Variants in CES5A observed in about 807,000 individuals in gnomAD.
CES5A encodes carboxylesterase 5.
A neutral mutation model predicts 62.9 loss-of-function variants in CES5A; 67 were observed. That is an observed-to-expected ratio of 1.07 (90% CI 0.88 to 1.31). CES5A has a LOEUF of 1.31. Among genes scored for constraint, CES5A ranks in the 50% most tolerant of loss-of-function variants. The pLI is 0.00. For missense variants in CES5A, 748 were observed against 708.5 expected (o/e 1.06, Z -0.63); for synonymous variants, 296 against 280.8 (o/e 1.05, Z -0.54).
At position 55,871,612 on chromosome 16, in the gene CES5A, C is replaced by A; in HGVS notation, c.417+13G>T. The A allele has an allele frequency of 6.2e-7, 1 of 1,613,736 alleles. No individual in the cohort carries two copies. Among genetic ancestry groups the A allele is most frequent in the Non-Finnish European group, 8.5e-7 (1 of 1,179,900 alleles). On this transcript the variant is annotated intron_variant, in intron 3 of 12. Coordinates refer to ENST00000290567, the MANE Select transcript of CES5A (RefSeq NM_001143685.2). ...GCTAGCTAGAGCCCGAAGCACACAG[C>A]AGGCAGCCTTACGGGGAGCTTGGAG...
intron 1 of CES5A, among the ~76,000 whole-genome samples, chr16:55,892,375 C>A (rs2033889270): frequency 6.6e-6 from 1 of 152,140 alleles, no homozygotes; most frequent in Non-Finnish European, 1.5e-5. Context: ...CCAAGCTGCA[C>A]CCCAACCACC....
intron 10 of CES5A, 85 bp from the exon 11 acceptor site, chr16:55,849,858 T>C: frequency 6.9e-7 from 1 of 1,445,356 alleles, no homozygotes; most frequent in Non-Finnish European, 9.4e-7. Flanking sequence ...AAGTCTTGGA[T>C]GTATAGACCC....
chr16:55,846,564 A>T lies in CES5A; in HGVS notation c.1615T>A (p.Trp539Arg), dbSNP rs1156839443. 1 of 1,614,204 alleles carries T rather than the reference A, an allele frequency of 6.2e-7. No individual in the cohort carries two copies. Among genetic ancestry groups the T allele is most frequent in the African/African-American group, 1.3e-5 (1 of 75,064 alleles). ...QRLKEPRVDFWTSTIPLILSA... is the reference protein window; with the variant it reads ...QRLKEPRVDFRTSTIPLILSA... Reference sequence around the variant, plus strand: ...AGGATCAGGGGGATGGTGCTGGTCCAAAAATCCACCCGCGGTTCTTTGAGT... The same window carrying T: ...AGGATCAGGGGGATGGTGCTGGTCCTAAAATCCACCCGCGGTTCTTTGAGT... Residue 539 changes from tryptophan (W) to arginine (R), a missense_variant, in exon 13 of 13, where the codon TGG (tryptophan) becomes AGG (arginine). Trp to Arg is a moderately radical substitution (Grantham distance 101). Transcript: ENST00000290567.
At chr16:55,869,281 C>T (rs2033533395) in intron 4 of CES5A, among the ~76,000 whole-genome samples, 1 of 152,176 alleles carries the variant, frequency 6.6e-6, no homozygotes, top group African/African-American at 2.4e-5. Context: ...GGTCCACCCA[C>T]CAAATGCAGA....
chr16:55,928,393 T>C (rs529871430), upstream of CES5A, among the ~76,000 whole-genome samples: 21 of 152,212 alleles, frequency 1.4e-4, no homozygotes, highest in African/African-American at 5.1e-4. Flanking sequence ...TACAAAGTGG[T>C]ATAATGGACA....
chr16:55,866,658 T>TAAAA (rs369679801), intron 4 of CES5A, among the ~76,000 whole-genome samples: 54 of 82,830 alleles, frequency 6.5e-4, no homozygotes, highest in South Asian at 1.7e-3. Flanking sequence ...CTGTCTCTGC[T>TAAAA]AAAAAAAAAA....
intron 2 of CES5A, among the ~76,000 whole-genome samples, chr16:55,944,671 G>C (rs1383605103): frequency 1.3e-5 from 2 of 152,186 alleles, no homozygotes; most frequent in African/African-American, 4.8e-5. Flanking sequence ...AACGCTAACT[G>C]TTCGGCCTGA....
Position 55,954,286 on chromosome 16 carries a change from A to T in CES5A, c.42+1558T>A, listed in dbSNP as rs563394297. ...CAGGTTCGGTATTTCATTAGCAATT[A>T]AGAAAATAACTTTTCCAGAAGCAGA... On this transcript the variant is annotated intron_variant, in intron 1 of 13. Coordinates refer to the CES5A transcript ENST00000521992. Among the ~76,000 whole-genome samples, 3 of 152,374 alleles carry T rather than the reference A, an allele frequency of 2.0e-5. No homozygotes were observed. The South Asian group carries it at 6.2e-4, about 32-fold the overall frequency.
intron 6 of CES5A, among the ~76,000 whole-genome samples, chr16:55,862,301 A>C (rs1311905802): frequency 2.0e-5 from 3 of 152,170 alleles, no homozygotes; most frequent in African/African-American, 4.8e-5. Context: ...AGTCAAAGTT[A>C]CAGACCCTCT....
chr16:55,895,504 T>C (rs1232063146), intron 1 of CES5A, among the ~76,000 whole-genome samples: 1 of 152,246 alleles, frequency 6.6e-6, no homozygotes, highest in African/African-American at 2.4e-5. Context: ...TTTTGACTTG[T>C]ATGGAGCCTG....
At chr16:55,870,137 T>C (rs2033553066) in intron 3 of CES5A, among the ~76,000 whole-genome samples, 1 of 152,192 alleles carries the variant, frequency 6.6e-6, no homozygotes, top group South Asian at 2.1e-4. Flanking sequence ...AATTGTTCAC[T>C]AAATACCAGT....
At chr16:55,914,722 C>A (rs142617405) in intron 1 of CES5A, among the ~76,000 whole-genome samples, 2 of 152,312 alleles carry the variant, frequency 1.3e-5, no homozygotes, top group African/African-American at 4.8e-5. Context: ...GAATTGCTGT[C>A]CCTGGAGAGG....
chr16:55,855,155 G>A (rs1409110735), intron 9 of CES5A, among the ~76,000 whole-genome samples: 1 of 152,218 alleles, frequency 6.6e-6, no homozygotes, highest in East Asian at 1.9e-4. Flanking sequence ...CTGTATTGAA[G>A]TGTCTTGTCA....
intron 11 of CES5A, among the ~76,000 whole-genome samples, chr16:55,848,069 C>T (rs1326829649): frequency 1.3e-5 from 2 of 152,012 alleles, no homozygotes; most frequent in African/African-American, 4.8e-5. Context: ...AGCCACCACA[C>T]CTGGCTAAGA....
In CES5A at chr16:55,861,430, C is replaced by A; in HGVS notation, c.897G>T (p.Glu299Asp). ...LRCLRTKPSK[E>D]LLTLSQKTKS... ...TCCTCACCTGGCTGAGGGTCAGCAG[C>A]TCCTTGGAGGGTTTTGTCCTCAGGC... Residue 299 changes from glutamate (E) to aspartate (D), a missense_variant, in exon 7 of 13, where the codon GAG becomes GAT. Glu to Asp is a conservative substitution (Grantham distance 45). Transcript: ENST00000290567. 6.2e-7 allele frequency: 1 copy of A among 1,613,066 alleles called. No individual in the cohort carries two copies.
intron 2 of CES5A, among the ~76,000 whole-genome samples, chr16:55,872,758 G>A (rs1365059092): frequency 1.3e-5 from 2 of 152,126 alleles, no homozygotes; most frequent in African/African-American, 4.8e-5. Context: ...GCTAGTCCAG[G>A]TGGGTCTTTG....
chr16:55,926,796 G>A (rs1360154462), upstream of CES5A, among the ~76,000 whole-genome samples: 17 of 152,184 alleles, frequency 1.1e-4, no homozygotes, highest in African/African-American at 4.1e-4. Context: ...ACGTCAACAT[G>A]CAAACTTCTG....
At chr16:55,929,053 G>A (rs201193673), upstream of CES5A, among the ~76,000 whole-genome samples, 32 of 152,286 alleles carry the variant, frequency 2.1e-4, no homozygotes, top group African/African-American at 5.8e-4. Context: ...AAAGACACAG[G>A]CAGGTCCACA....
chr16:55,889,788 G>C (rs2033856509), intron 1 of CES5A, among the ~76,000 whole-genome samples: 3 of 152,118 alleles, frequency 2.0e-5, no homozygotes, highest in African/African-American at 7.2e-5. Context: ...TTGGTGACCA[G>C]CTCCCATCCT....
Sources: allele counts gnomAD v4.1 joint callset (sites outside exome capture counted in the v4.1 genomes callset), GRCh38; gene constraint gnomAD v4.1.1; transcripts MANE v1.5; gene names NCBI Gene and HGNC (gene_info 2026-07-23, HGNC 2026-07-21).